The following CLSTN2 variants were observed in gnomAD, a reference collection of about 807,000 sequenced individuals.
CLSTN2 encodes the protein calsyntenin 2.
CLSTN2 carries 48 observed loss-of-function variants against 101.2 expected under a neutral mutation model. That is an observed-to-expected ratio of 0.47 (90% CI 0.38 to 0.60). CLSTN2 has a LOEUF of 0.60. CLSTN2 is among the 20% of genes least tolerant of loss of function. CLSTN2 has a pLI of 0.00. For synonymous variants in CLSTN2, 481 were observed against 463.6 expected (o/e 1.04, Z -0.48); for missense variants, 1,160 against 1,238.2 (o/e 0.94, Z 0.95).
intron 4 of CLSTN2, among the ~76,000 whole-genome samples, chr3:140,408,147 C>T (rs2088325028): frequency 6.6e-6 from 1 of 152,200 alleles, no homozygotes. Context: ...ACAGTTTCAT[C>T]TTGCATGCAT....
intron 2 of CLSTN2, among the ~76,000 whole-genome samples, chr3:140,296,656 G>T (rs926778087): frequency 6.6e-6 from 1 of 152,056 alleles, no homozygotes; most frequent in South Asian, 2.1e-4. Context: ...TATATACAAC[G>T]CAAGTATTTG....
intron 1 of CLSTN2, among the ~76,000 whole-genome samples, chr3:140,168,843 T>C (rs1419487117): frequency 2.0e-5 from 3 of 152,156 alleles, no homozygotes; most frequent in Non-Finnish European, 4.4e-5. Flanking sequence ...CTTCTTTCCA[T>C]TGATGTATAC....
intron 2 of CLSTN2, among the ~76,000 whole-genome samples, chr3:140,181,135 T>C (rs1474908412): frequency 1.3e-5 from 2 of 152,228 alleles, no homozygotes; most frequent in African/African-American, 4.8e-5. Context: ...TTACTAGCTG[T>C]ATGATCTCAG....
chr3:140,306,662 T>C (rs1320943156), intron 2 of CLSTN2, among the ~76,000 whole-genome samples: 1 of 152,134 alleles, frequency 6.6e-6, no homozygotes, highest in East Asian at 1.9e-4. Flanking sequence ...TTTTGCCTGG[T>C]CATTCACGCT....
chr3:140,546,199 T>G (rs911641499), intron 9 of CLSTN2, among the ~76,000 whole-genome samples: 1 of 152,228 alleles, frequency 6.6e-6, no homozygotes, highest in South Asian at 2.1e-4. Flanking sequence ...GCCTGAAGTT[T>G]AATCAGTGAC....
intron 2 of CLSTN2, among the ~76,000 whole-genome samples, chr3:140,322,417 G>T (rs1053703090): frequency 2.6e-5 from 4 of 152,206 alleles, no homozygotes; most frequent in African/African-American, 9.6e-5. Context: ...AGATGCTGGT[G>T]GGGGAGATGG....
intron 1 of CLSTN2, among the ~76,000 whole-genome samples, chr3:140,109,448 AG>A (rs1385860385): frequency 2.0e-5 from 3 of 152,104 alleles, no homozygotes; most frequent in Admixed American, 2.0e-4. Context: ...TGCCTAGCTG[AG>A]GTGATAATTG....
At chr3:140,551,258 G>C (rs1164834419) in intron 10 of CLSTN2, among the ~76,000 whole-genome samples, 1 of 152,032 alleles carries the variant, frequency 6.6e-6, no homozygotes, top group East Asian at 1.9e-4. Context: ...CTGGCTGGTC[G>C]AGAGAATTGA....
At chr3:140,357,650 G>A (rs772912759) in intron 2 of CLSTN2, among the ~76,000 whole-genome samples, 6 of 152,072 alleles carry the variant, frequency 3.9e-5, no homozygotes, top group East Asian at 1.9e-4. Context: ...AAAAGAGGCC[G>A]CCAGGAAAGA....
intron 12 of CLSTN2, 109 bp downstream of exon 12, chr3:140,558,966 A>C: frequency 1.3e-6 from 1 of 794,900 alleles, no homozygotes; most frequent in Non-Finnish European, 2.0e-6. Flanking sequence ...ACATGGCTTA[A>C]ATGTATACAT....
chr3:140,040,939 G>C (rs1488152892), intron 1 of CLSTN2, among the ~76,000 whole-genome samples: 1 of 152,034 alleles, frequency 6.6e-6, no homozygotes, highest in Non-Finnish European at 1.5e-5. Context: ...AAAGAAAATG[G>C]GTCTTTGACA....
intron 1 of CLSTN2, among the ~76,000 whole-genome samples, chr3:140,123,803 CAT>C (rs150523094): frequency 4.2e-4 from 61 of 144,688 alleles, no homozygotes; most frequent in Middle Eastern, 3.6e-3. Context: ...GAGATGGAGA[CAT>C]ATATATATAT....
At chr3:140,506,864 A>ATATT (rs1934693369) in intron 8 of CLSTN2, 1 of 152,250 alleles carries the variant, frequency 6.6e-6, no homozygotes, top group South Asian at 2.1e-4. Context: ...ATAATTTTTA[A>ATATT]TATTAATTAC....
At chr3:140,169,940 A>G (rs1268332305) in intron 1 of CLSTN2, among the ~76,000 whole-genome samples, 2 of 152,194 alleles carry the variant, frequency 1.3e-5, no homozygotes, top group South Asian at 2.1e-4. Flanking sequence ...AGAAATAAGT[A>G]TCTTCATTTT....
At chr3:140,251,680 G>A (rs777744612) in intron 2 of CLSTN2, among the ~76,000 whole-genome samples, 1 of 121,552 alleles carries the variant, frequency 8.2e-6, no homozygotes. Flanking sequence ...TCCTTGTTTA[G>A]TGCTTCCTTT....
chr3:140,486,078 G>T (rs556110677), intron 8 of CLSTN2, among the ~76,000 whole-genome samples: 7 of 151,810 alleles, frequency 4.6e-5, no homozygotes, highest in African/African-American at 1.5e-4. Context: ...CTATTTGGCC[G>T]TCTTGGCTCC....
chr3:140,474,942 C>T (rs889742489), intron 8 of CLSTN2, among the ~76,000 whole-genome samples: 2 of 151,044 alleles, frequency 1.3e-5, no homozygotes, highest in African/African-American at 4.8e-5. Flanking sequence ...TCAGGGGCCT[C>T]AGTGGAAAGA....
intron 1 of CLSTN2, among the ~76,000 whole-genome samples, chr3:140,139,626 C>A (rs1315735896): frequency 1.3e-5 from 2 of 152,192 alleles, no homozygotes; most frequent in African/African-American, 4.8e-5. Context: ...AGGGTGAAAA[C>A]CGCTGCTTCA....
intron 4 of CLSTN2, among the ~76,000 whole-genome samples, chr3:140,416,633 G>A (rs547856467): frequency 6.6e-6 from 1 of 152,282 alleles, no homozygotes; most frequent in South Asian, 2.1e-4. Context: ...CTTGAACTTT[G>A]TCTCAGACCC....
Sources: gnomAD v4.1 joint callset for allele counts (sites outside exome capture counted in the v4.1 genomes callset) on GRCh38, gnomAD v4.1.1 for gene constraint, MANE v1.5 for transcripts, NCBI Gene and HGNC (gene_info 2026-07-23, HGNC 2026-07-21) for gene names.